The following LARGE1 variants were observed in gnomAD, a reference collection of about 807,000 sequenced individuals.
The protein encoded by LARGE1 is xylosyl- and glucuronyltransferase LARGE1.
In LARGE1, 43 loss-of-function variants were observed where a neutral mutation model predicts 87.6. The ratio of observed to expected loss-of-function variants is 0.49; its 90% CI spans 0.38 to 0.63. LARGE1 has a LOEUF of 0.63. Among genes scored for constraint, LARGE1 ranks in the 30% least tolerant of loss-of-function variants. The pLI is 0.00. For synonymous variants in LARGE1, 434 were observed against 394.6 expected (o/e 1.10, Z -1.18); for missense variants, 802 against 1,000.2 (o/e 0.80, Z 2.67).
intron 7 of LARGE1, among the ~76,000 whole-genome samples, chr22:33,393,471 A>C (rs1384576203): frequency 6.6e-6 from 1 of 152,278 alleles, no homozygotes; most frequent in Non-Finnish European, 1.5e-5. Context: ...AAGTAGAAAG[A>C]GGATTTTTAA....
the LARGE1 span, among the ~76,000 whole-genome samples, chr22:33,094,630 C>T: frequency 6.6e-6 from 1 of 151,676 alleles, no homozygotes; most frequent in Non-Finnish European, 1.5e-5. Flanking sequence ...CTCTTCTCAT[C>T]CATTCTTTCA....
chr22:33,070,161 T>C, the LARGE1 span, among the ~76,000 whole-genome samples: 13 of 152,208 alleles, frequency 8.5e-5, no homozygotes, highest in Admixed American at 8.5e-4. Context: ...ATTTCTCAAT[T>C]CCTGCAAGGA....
At chr22:33,470,202 T>C (rs1318586799) in intron 6 of LARGE1, among the ~76,000 whole-genome samples, 1 of 152,176 alleles carries the variant, frequency 6.6e-6, no homozygotes, top group Non-Finnish European at 1.5e-5. Context: ...CTATGTTTAC[T>C]CTTTGGGTGA....
At chr22:33,364,086 G>C (rs981360152) in intron 9 of LARGE1, among the ~76,000 whole-genome samples, 2 of 149,878 alleles carry the variant, frequency 1.3e-5, no homozygotes, top group Admixed American at 1.3e-4. Flanking sequence ...ACGGAGTCTC[G>C]CTCTGTCGCC....
At chr22:33,364,739 C>T (rs1178850772) in intron 9 of LARGE1, among the ~76,000 whole-genome samples, 1 of 152,154 alleles carries the variant, frequency 6.6e-6, no homozygotes, top group South Asian at 2.1e-4. Flanking sequence ...TTTTGTTGCC[C>T]AGGTTGGAGT....
intron 10 of LARGE1, among the ~76,000 whole-genome samples, chr22:33,318,639 C>T (rs941017962): frequency 1.3e-5 from 2 of 152,050 alleles, no homozygotes; most frequent in African/African-American, 4.8e-5. Flanking sequence ...GGAGATATAC[C>T]TAATGTTAAA....
At chr22:33,915,010 CAA>C (rs2065741999) in intron 1 of LARGE1, among the ~76,000 whole-genome samples, 1 of 115,280 alleles carries the variant, frequency 8.7e-6, no homozygotes, top group Non-Finnish European at 1.8e-5. Flanking sequence ...CATACAAACA[CAA>C]ACACACACAC....
At chr22:33,590,973 C>T (rs1007777631) in intron 5 of LARGE1, among the ~76,000 whole-genome samples, 29 of 152,120 alleles carry the variant, frequency 1.9e-4, no homozygotes, top group Admixed American at 2.6e-4. Context: ...GAGGCTGAGG[C>T]GGGTGGATCA....
chr22:33,141,038 C>A, the LARGE1 span, among the ~76,000 whole-genome samples: 1 of 152,108 alleles, frequency 6.6e-6, no homozygotes, highest in African/African-American at 2.4e-5. Context: ...GTGAAGGAGT[C>A]ATTAAAGCTC....
chr22:33,304,525 G>A lies in LARGE1; in HGVS notation c.1452-18C>T, dbSNP rs1934607159. On this transcript the variant is annotated intron_variant, in intron 11 of 14. Coordinates refer to ENST00000397394, the MANE Select transcript of LARGE1 (RefSeq NM_133642.5). The stretch of plus-strand genomic sequence containing the variant: ...TCTGGAGCCTGGAAGAGACAGGGAG[G>A]GTGAGCCGCGGGACCTGGGCCATCC... The A allele has an allele frequency of 1.3e-6, 2 of 1,557,794 alleles. No individual in the cohort carries two copies. The highest frequency in any genetic ancestry group is 2.4e-5 in the East Asian group (1 of 41,854).
intron 9 of LARGE1, among the ~76,000 whole-genome samples, chr22:33,341,462 T>C (rs1939135021): frequency 6.6e-6 from 1 of 152,112 alleles, no homozygotes; most frequent in Non-Finnish European, 1.5e-5. Flanking sequence ...GTCCAGAGCC[T>C]GCCATCTGAA....
intron 11 of LARGE1, among the ~76,000 whole-genome samples, chr22:33,200,393 G>C (rs1304551287): frequency 6.6e-6 from 1 of 152,162 alleles, no homozygotes; most frequent in Non-Finnish European, 1.5e-5. Context: ...TCGCTGGTGG[G>C]AATGTAAAAT....
intron 1 of LARGE1, among the ~76,000 whole-genome samples, chr22:33,853,942 G>C (rs1435306244): frequency 6.6e-6 from 1 of 152,110 alleles, no homozygotes. Flanking sequence ...AAATGCGAAA[G>C]TGAAACTGCT....
intron 11 of LARGE1, among the ~76,000 whole-genome samples, chr22:33,238,773 G>A (rs1343134262): frequency 3.9e-5 from 6 of 152,074 alleles, no homozygotes; most frequent in Admixed American, 2.0e-4. Flanking sequence ...ATTAAGCATC[G>A]TATAACAATG....
chr22:33,333,240 G>A (rs972918643), intron 10 of LARGE1, among the ~76,000 whole-genome samples: 1 of 151,836 alleles, frequency 6.6e-6, no homozygotes, highest in Non-Finnish European at 1.5e-5. Context: ...GGATGGTCTC[G>A]ATCTCCTGAC....
chr22:33,127,068 GT>G, the LARGE1 span, among the ~76,000 whole-genome samples: 4 of 152,324 alleles, frequency 2.6e-5, no homozygotes, highest in Middle Eastern at 3.4e-3. Context: ...GTCTGGATCA[GT>G]GGTTTCTGAG....
At position 33,600,450 on chromosome 22, in the gene LARGE1, G is replaced by C. The variant is rs16992612; in HGVS notation, c.615+3985C>G. Among the ~76,000 whole-genome samples the C allele has an allele frequency of 5.7e-3, 873 of 152,264 alleles. 12 individuals are homozygous for C. The highest frequency in any genetic ancestry group is 0.02 in the African/African-American group (813 of 41,552). On this transcript the variant is annotated intron_variant, in intron 5 of 14. Transcript: ENST00000397394. ...AGCATGAAAGAATACCCTCTGTGTT[G>C]AGTTTACTGAAGAAATGTATGTGAT...
intron 2 of LARGE1, among the ~76,000 whole-genome samples, chr22:33,689,093 A>G (rs1004428336): frequency 2.0e-5 from 3 of 150,744 alleles, no homozygotes; most frequent in Admixed American, 2.0e-4. Flanking sequence ...CTCTCTTCCT[A>G]CTATGCCCAT....
intron 6 of LARGE1, among the ~76,000 whole-genome samples, chr22:33,466,859 T>C (rs1259390618): frequency 6.6e-6 from 1 of 152,038 alleles, no homozygotes; most frequent in African/African-American, 2.4e-5. Flanking sequence ...ACAAACATGT[T>C]GAAATGCAGT....
Sources: allele counts gnomAD v4.1 joint callset (sites outside exome capture counted in the v4.1 genomes callset), GRCh38; gene constraint gnomAD v4.1.1; transcripts MANE v1.5; gene names NCBI Gene and HGNC (gene_info 2026-07-23, HGNC 2026-07-21).